Variants in FAM20C observed in about 807,000 individuals in gnomAD.
FAM20C encodes the protein FAM20C golgi associated secretory pathway kinase.
FAM20C carries 40 observed loss-of-function variants against 51.5 expected under a neutral mutation model. That is an observed-to-expected ratio of 0.78 (90% CI 0.60 to 1.01). FAM20C has a LOEUF of 1.01. Among genes scored for constraint, FAM20C ranks in the 50% least tolerant of loss-of-function variants. The pLI, the probability that FAM20C is intolerant of heterozygous loss-of-function variation, is 0.00. For synonymous variants in FAM20C, 406 were observed against 380.6 expected, an observed-to-expected ratio of 1.07 and a Z score of -0.78; for missense variants, 861 against 844.7, an observed-to-expected ratio of 1.02 and a Z score of -0.24.
chr7:256,215 A>T (rs912341045), intron 6 of FAM20C, 186 bp downstream of exon 6: 4 of 775,762 alleles, frequency 5.2e-6, no homozygotes, highest in Non-Finnish European at 8.0e-6. Flanking sequence ...TCCTTACTCC[A>T]GTATTTCCAT....
chr7:246,153 C>T (rs967766644), intron 3 of FAM20C: 3 of 436,308 alleles, frequency 6.9e-6, no homozygotes, highest in African/African-American at 4.3e-5. Context: ...TCGCAAGGGC[C>T]TGCGCTGCTC....
At chr7:212,305 A>C (rs1583295374) in intron 3 of FAM20C, among the ~76,000 whole-genome samples, 1 of 152,176 alleles carries the variant, frequency 6.6e-6, no homozygotes, top group African/African-American at 2.4e-5. Flanking sequence ...TCTACTAAAA[A>C]TATAAAAATT....
intron 3 of FAM20C, among the ~76,000 whole-genome samples, chr7:233,689 G>T (rs1403985208): frequency 2.6e-5 from 4 of 152,170 alleles, no homozygotes; most frequent in Non-Finnish European, 5.9e-5. Context: ...GGACGCTGTG[G>T]TCTCTCCTTC....
chr7:196,127 A>G (rs1785857584), intron 2 of FAM20C, among the ~76,000 whole-genome samples: 1 of 152,034 alleles, frequency 6.6e-6, no homozygotes, highest in Non-Finnish European at 1.5e-5. Flanking sequence ...GCTTTTCTAC[A>G]CACGACCCTG....
chr7:256,028 G>C lies in FAM20C; in HGVS notation c.1252G>C (p.Glu418Gln). ...RRSYHKRKKAEWEVDPDYCEE... is the reference protein window; with the variant it reads ...RRSYHKRKKAQWEVDPDYCEE... Reference sequence around the variant, plus strand: ...TTCCTACCACAAGCGCAAGAAGGCCGAGTGAGTGCGGGGCCGGGGGGCTGG... The same window carrying C: ...TTCCTACCACAAGCGCAAGAAGGCCCAGTGAGTGCGGGGCCGGGGGGCTGG... The change falls in exon 6 of 10, where the codon GAG becomes CAG. Residue 418 changes from glutamate to glutamine, a missense_variant and splice_region_variant. Glu to Gln is a conservative substitution (Grantham distance 29, BLOSUM62 2). Transcript: ENST00000313766. 1 of 1,535,514 alleles carries C rather than the reference G, an allele frequency of 6.5e-7. No individual in the cohort carries two copies.
At chr7:214,132 C>A (rs1370503418) in intron 3 of FAM20C, among the ~76,000 whole-genome samples, 1 of 152,118 alleles carries the variant, frequency 6.6e-6, no homozygotes. Context: ...TCAAGACCAG[C>A]CTGACCCACA....
intron 4 of FAM20C, 66 bp from the exon 5 acceptor site, chr7:248,248 AG>A: frequency 8.7e-7 from 1 of 1,149,058 alleles, no homozygotes; most frequent in Non-Finnish European, 1.2e-6. Context: ...TCTTATTTGG[AG>A]GCAGGGACAC....
At chr7:227,079 C>G (rs1787476266) in intron 3 of FAM20C, among the ~76,000 whole-genome samples, 1 of 152,008 alleles carries the variant, frequency 6.6e-6, no homozygotes, top group African/African-American at 2.4e-5. Context: ...TCCGTGGGGT[C>G]TCCTGGAAAA....
At chr7:232,419 G>A (rs1006634586) in intron 3 of FAM20C, among the ~76,000 whole-genome samples, 6 of 152,192 alleles carry the variant, frequency 3.9e-5, no homozygotes, top group East Asian at 1.9e-4. Flanking sequence ...ACACCTGCAC[G>A]CGTGGCCCTG....
intron 3 of FAM20C, chr7:228,409 C>T: frequency 2.2e-6 from 1 of 453,928 alleles, no homozygotes; most frequent in Non-Finnish European, 4.4e-6. Context: ...GGCCCCTCTG[C>T]TGGGTTGAGG....
At chr7:252,217 C>A in intron 5 of FAM20C, among the ~76,000 whole-genome samples, 1 of 147,832 alleles carries the variant, frequency 6.8e-6, no homozygotes, top group Non-Finnish European at 1.5e-5. Context: ...GGCCTCCCGA[C>A]CAAGGATGCC....
intron 3 of FAM20C, among the ~76,000 whole-genome samples, chr7:234,490 A>G (rs1787792678): frequency 6.6e-6 from 1 of 151,664 alleles, no homozygotes; most frequent in African/African-American, 2.4e-5. Context: ...CAGGACCGGG[A>G]CTCCTCTGAG....
chr7:210,846 C>T (rs1054554911), intron 3 of FAM20C, among the ~76,000 whole-genome samples: 3 of 152,216 alleles, frequency 2.0e-5, no homozygotes, highest in East Asian at 1.9e-4. Flanking sequence ...TGACATTTAC[C>T]GAGCCGCTGC....
intron 2 of FAM20C, among the ~76,000 whole-genome samples, chr7:205,164 A>G (rs1786296632): frequency 6.6e-6 from 1 of 152,202 alleles, no homozygotes; most frequent in African/African-American, 2.4e-5. Flanking sequence ...TTCTAGAAAC[A>G]GGGTCTCTGT....
At chr7:196,598 G>C (rs943826951) in intron 2 of FAM20C, among the ~76,000 whole-genome samples, 3 of 152,228 alleles carry the variant, frequency 2.0e-5, no homozygotes, top group African/African-American at 7.2e-5. Context: ...TCTTTGCGCT[G>C]TGTGATGAGG....
chr7:246,433 G>C lies in FAM20C; in HGVS notation c.882G>C (p.Glu294Asp), dbSNP rs369253494. ...FKPMKQTREQ[E>D]TPPDFFYFSD... Reference sequence around the variant, plus strand: ...TTCTCAGACAAACGAGGGAGCAGGAGACACCCCCTGACTTTTTTTATTTCT... The same window carrying C: ...TTCTCAGACAAACGAGGGAGCAGGACACACCCCCTGACTTTTTTTATTTCT... The change falls in exon 4 of 10, where the codon GAG becomes GAC. Residue 294 changes from glutamate (E) to aspartate (D), a missense_variant. Transcript: ENST00000313766. 6.5e-7 allele frequency: 1 copy of C among 1,536,714 alleles called. No homozygotes were observed. Among genetic ancestry groups the C allele is most frequent in the Non-Finnish European group, 8.7e-7 (1 of 1,146,738 alleles).
At chr7:226,417 G>T (rs564935142) in intron 3 of FAM20C, among the ~76,000 whole-genome samples, 10 of 152,308 alleles carry the variant, frequency 6.6e-5, no homozygotes, top group African/African-American at 1.7e-4. Context: ...GTGCCACAAG[G>T]CCTAGTCACC....
In FAM20C at chr7:259,825, G is replaced by T. The variant is rs902444471; in HGVS notation, c.1600G>T (p.Val534Leu). 1.2e-5 allele frequency: 19 copies of T among 1,536,344 alleles called. No homozygotes were observed. The highest frequency in any genetic ancestry group is 1.7e-5 in the Non-Finnish European group (19 of 1,146,882). The change falls in exon 10 of 10, where the codon GTG (valine) becomes TTG (leucine). Residue 534 changes from valine (V) to leucine (L), a missense_variant. By Grantham distance (32) the Val-to-Leu change is conservative. This residue lies in a region of FAM20C where 269 missense variants were observed against 283.8 expected (regional missense o/e 0.95). Transcript: ENST00000313766. ...GGCCGAGTCTCTGCGGGGGGACCAG[G>T]TGGCACCCGTGCTGTACCAGCCGCA... Reference protein sequence around the residue: ...LMAESLRGDQVAPVLYQPHLE... With the variant: ...LMAESLRGDQLAPVLYQPHLE...
At chr7:224,035 C>G (rs923697673) in intron 3 of FAM20C, among the ~76,000 whole-genome samples, 4 of 146,010 alleles carry the variant, frequency 2.7e-5, no homozygotes, top group African/African-American at 1.0e-4. Context: ...CGGCGGCTGT[C>G]CCCTGAGCCT....
Sources: gnomAD v4.1 joint callset for allele counts (sites outside exome capture counted in the v4.1 genomes callset) on GRCh38, gnomAD v4.1.1 for gene constraint, gnomAD v4.1.1 regional missense constraint, MANE v1.5 for transcripts, NCBI Gene and HGNC (gene_info 2026-07-23, HGNC 2026-07-21) for gene names.